RIMS1: variants seen among roughly 807,000 people sequenced by gnomAD.
RIMS1 encodes regulating synaptic membrane exocytosis 1, also known as regulating synaptic membrane exocytosis protein 1.
In RIMS1, 83 loss-of-function variants were observed where a neutral mutation model predicts 214.1. The observed-to-expected ratio is 0.39, with a 90% CI of 0.32 to 0.47. The LOEUF is 0.47. RIMS1 is among the 20% of genes least tolerant of loss of function. The pLI, the probability that RIMS1 is intolerant of heterozygous loss-of-function variation, is 0.99. For synonymous variants in RIMS1, 793 were observed against 786.8 expected, an observed-to-expected ratio of 1.01 and a Z score of -0.13; for missense variants, 2,050 against 2,161.8, an observed-to-expected ratio of 0.95 and a Z score of 1.03.
At chr6:71,919,951 C>T (rs1779522623) in intron 1 of RIMS1, among the ~76,000 whole-genome samples, 1 of 152,156 alleles carries the variant, frequency 6.6e-6, no homozygotes, top group African/African-American at 2.4e-5. Flanking sequence ...CTCCAAGCTT[C>T]AACTCTGACT....
At chr6:72,333,969 CTG>C in intron 29 of RIMS1, 134 bp downstream of exon 29, 1 of 667,650 alleles carries the variant, frequency 1.5e-6, no homozygotes, top group Non-Finnish European at 2.6e-6. Context: ...TTTTCTGTCT[CTG>C]AAAATCTGCT....
At chr6:72,286,309 A>C (rs2092296743) in intron 24 of RIMS1, among the ~76,000 whole-genome samples, 1 of 152,216 alleles carries the variant, frequency 6.6e-6, no homozygotes, top group East Asian at 1.9e-4. Flanking sequence ...AAAATGATAG[A>C]TGATGCCAGT....
At chr6:72,030,308 C>G (rs947084048) in intron 2 of RIMS1, among the ~76,000 whole-genome samples, 20 of 152,262 alleles carry the variant, frequency 1.3e-4, no homozygotes, top group Admixed American at 1.2e-3. Context: ...AATTATTTTA[C>G]TTGATTCAGA....
intron 2 of RIMS1, among the ~76,000 whole-genome samples, chr6:72,095,116 A>ATTTTTTTTTTTTTTT (rs71540328): frequency 6.1e-5 from 6 of 98,978 alleles, no homozygotes; most frequent in East Asian, 3.0e-4. Context: ...ACGCCCGACT[A>ATTTTTTTTTTTTTTT]TTTTTTTTTT....
At chr6:72,281,261 A>G (rs2089989064) in intron 23 of RIMS1, among the ~76,000 whole-genome samples, 1 of 152,124 alleles carries the variant, frequency 6.6e-6, no homozygotes, top group African/African-American at 2.4e-5. Context: ...TCTGGATTGG[A>G]AAGAAGATTA....
rs1324578300 is a variant in RIMS1 at position 72,313,685 on chromosome 6, T to C, written c.4130+13T>C. On this transcript the variant is annotated intron_variant, in intron 28 of 33. Coordinates refer to ENST00000521978, the MANE Select transcript of RIMS1 (RefSeq NM_014989.7). Reference sequence around the variant, plus strand: ...GGGGTAGAATCAGGTGAGTTGGCAATACTGTTTATATAAACTGGATCTTTA... The same window carrying C: ...GGGGTAGAATCAGGTGAGTTGGCAACACTGTTTATATAAACTGGATCTTTA... 6.2e-7 allele frequency: 1 copy of C among 1,604,204 alleles called. No individual in the cohort carries two copies. The highest frequency in any genetic ancestry group is 8.5e-7 in the Non-Finnish European group (1 of 1,174,666).
At position 72,179,819 on chromosome 6, in the gene RIMS1, C is replaced by T. The variant is rs759469716; in HGVS notation, c.716C>T (p.Pro239Leu). 1 of 1,613,452 alleles carries T rather than the reference C, an allele frequency of 6.2e-7. No individual in the cohort carries two copies. Among genetic ancestry groups the T allele is most frequent in the South Asian group, 1.1e-5 (1 of 91,050 alleles). ...GATGCTGCTCCTCCCAGCGCACCAC[C>T]AGACAGGAGCAAAGGGGCTGAGCCC... ...SQDAAPPSAP[P>L]DRSKGAEPSQ... Residue 239 changes from proline (P) to leucine (L), a missense_variant, in exon 5 of 34, where the codon CCA (proline) becomes CTA (leucine). Transcript: ENST00000521978.
chr6:71,929,419 T>C (rs1782441342), intron 1 of RIMS1, among the ~76,000 whole-genome samples: 1 of 152,142 alleles, frequency 6.6e-6, no homozygotes. Context: ...TACATTTTAT[T>C]TGGAGAAGTC....
At chr6:72,043,525 C>A (rs999499299) in intron 2 of RIMS1, among the ~76,000 whole-genome samples, 1 of 151,828 alleles carries the variant, frequency 6.6e-6, no homozygotes, top group Admixed American at 6.6e-5. Context: ...CTAAATCATT[C>A]ATTGACTTTT....
At chr6:72,049,128 T>C (rs9446555) in intron 2 of RIMS1, among the ~76,000 whole-genome samples, 30,174 of 152,092 alleles carry the variant, frequency 0.2, 3,196 homozygotes, top group Non-Finnish European at 0.24. Flanking sequence ...AGATCAGAAT[T>C]CAAGTTCAGG....
At chr6:71,934,252 G>C (rs1783899548) in intron 1 of RIMS1, among the ~76,000 whole-genome samples, 1 of 152,114 alleles carries the variant, frequency 6.6e-6, no homozygotes, top group South Asian at 2.1e-4. Context: ...TGTTGTCTTT[G>C]TTTTCAAGTT....
At chr6:71,993,245 A>G (rs1466508925) in intron 2 of RIMS1, among the ~76,000 whole-genome samples, 2 of 152,216 alleles carry the variant, frequency 1.3e-5, no homozygotes, top group African/African-American at 2.4e-5. Context: ...TGTTTTGTCT[A>G]CAGGTCCCAG....
intron 1 of RIMS1, among the ~76,000 whole-genome samples, chr6:71,961,763 T>C (rs1368173885): frequency 6.6e-6 from 1 of 152,122 alleles, no homozygotes; most frequent in Non-Finnish European, 1.5e-5. Flanking sequence ...TGTTATGTTA[T>C]CATATGGAAT....
chr6:72,114,058 T>C (rs141982695), intron 4 of RIMS1, among the ~76,000 whole-genome samples: 1 of 152,072 alleles, frequency 6.6e-6, no homozygotes, highest in Non-Finnish European at 1.5e-5. Context: ...AAAGTTATTT[T>C]AAAGAGAAAA....
chr6:72,250,532 G>A, intron 13 of RIMS1, 72 bp downstream of exon 13: 1 of 1,147,298 alleles, frequency 8.7e-7, no homozygotes, highest in South Asian at 1.6e-5. Flanking sequence ...TTCTCTTTTG[G>A]GATGTTTTTA....
intron 2 of RIMS1, among the ~76,000 whole-genome samples, chr6:71,980,453 A>G (rs973045733): frequency 3.3e-5 from 5 of 152,138 alleles, no homozygotes; most frequent in Non-Finnish European, 5.9e-5. Context: ...CAAGGGGGAC[A>G]TTGAATATAT....
rs1159771246 is a variant in RIMS1, at chr6:72,227,240, T to C, written c.1679-6533T>C. On this transcript the variant is annotated intron_variant, in intron 6 of 33. Coordinates refer to ENST00000521978, the MANE Select transcript of RIMS1 (RefSeq NM_014989.7). ...AAGTAAACTGCTGGGTAGAAAAATA[T>C]ATTTTTCTTAGTTTGTACGTGCTAT... Among the ~76,000 whole-genome samples the C allele has an allele frequency of 2.0e-5, 3 of 152,126 alleles. No individual in the cohort carries two copies. The East Asian group carries it at 5.8e-4, about 29-fold the overall frequency.
At chr6:72,021,734 C>T (rs1489667222) in intron 2 of RIMS1, among the ~76,000 whole-genome samples, 1 of 152,132 alleles carries the variant, frequency 6.6e-6, no homozygotes, top group African/African-American at 2.4e-5. Flanking sequence ...GCTCAGGCTT[C>T]TCTCCTGTCC....
In RIMS1 at chr6:72,335,696, A is replaced by G. The variant is rs542933581; in HGVS notation, c.4366+1861A>G. Among the ~76,000 whole-genome samples the G allele has an allele frequency of 4.6e-5, 7 of 152,166 alleles. No homozygotes were observed. The South Asian group carries it at 1.5e-3, about 32-fold the overall frequency. ...TAATTTACATTCCCACCAACAGTGT[A>G]AAAGTGTTCCCATTTCTCCACATCC... is the stretch of plus-strand genomic sequence containing the variant. On this transcript the variant is annotated intron_variant, in intron 29 of 33. Coordinates refer to ENST00000521978, the MANE Select transcript of RIMS1 (RefSeq NM_014989.7).
Sources: gnomAD v4.1 joint callset for allele counts (sites outside exome capture counted in the v4.1 genomes callset) on GRCh38, gnomAD v4.1.1 for gene constraint, MANE v1.5 for transcripts, NCBI Gene and HGNC (gene_info 2026-07-23, HGNC 2026-07-21) for gene names.